The following CAPN5 variants were observed in gnomAD, a reference collection of about 807,000 sequenced individuals.
CAPN5 encodes the protein calpain-5.
Under a neutral mutation model 73.0 loss-of-function variants are expected in CAPN5, and 54 were observed. That is an observed-to-expected ratio of 0.74 (90% CI 0.59 to 0.93). CAPN5 has a LOEUF of 0.93. Ranked by LOEUF, CAPN5 falls within the 40% of genes least tolerant of loss-of-function variation. The pLI is 0.00. For missense variants in CAPN5, 785 were observed against 882.9 expected (o/e 0.89, Z 1.41); for synonymous variants, 335 against 356.9 (o/e 0.94, Z 0.69).
intron 8 of CAPN5, 124 bp from the exon 9 acceptor site, chr11:77,118,906 C>T: frequency 9.3e-7 from 1 of 1,070,864 alleles, no homozygotes; most frequent in Non-Finnish European, 1.4e-6. Context: ...AGCAGAGGGA[C>T]CAAGGCGCAG....
chr11:77,083,931 T>C (rs782539950), intron 1 of CAPN5, among the ~76,000 whole-genome samples: 1 of 152,156 alleles, frequency 6.6e-6, no homozygotes, highest in Non-Finnish European at 1.5e-5. Flanking sequence ...AATTGTGGCC[T>C]TTACCCCAAA....
rs1040463719 is a variant in CAPN5, at chr11:77,125,094, T to C, written c.*1224T>C. 7.9e-5 allele frequency: 12 copies of C among 152,422 alleles called. No homozygotes were observed. The highest frequency in any genetic ancestry group is 2.9e-4 in the African/African-American group (12 of 41,466). The allele number at this position is 152,422 out of a possible 1,614,324, so 9.4% of individuals were successfully genotyped here. Reference sequence around the variant, plus strand: ...GTTTTGCTGGTCCTCTGGAGAACTCTTCGTGAGCACTGGTGCCGTGACCCA... The same window carrying C: ...GTTTTGCTGGTCCTCTGGAGAACTCCTCGTGAGCACTGGTGCCGTGACCCA... On this transcript the variant is annotated 3_prime_UTR_variant, in exon 13 of 13. Coordinates refer to ENST00000648180, the MANE Select transcript of CAPN5 (RefSeq NM_004055.5).
intron 1 of CAPN5, among the ~76,000 whole-genome samples, chr11:77,079,555 T>C (rs1950008337): frequency 1.3e-5 from 2 of 152,220 alleles, no homozygotes; most frequent in African/African-American, 4.8e-5. Context: ...ATTTAGCTTG[T>C]TTCTCATTTT....
At chr11:77,068,327 C>A (rs1397359125) in intron 1 of CAPN5, among the ~76,000 whole-genome samples, 1 of 152,100 alleles carries the variant, frequency 6.6e-6, no homozygotes, top group Non-Finnish European at 1.5e-5. Flanking sequence ...CCCTGAGGAG[C>A]CTCTCTTCTG....
rs1950574982 is a variant in CAPN5 at position 77,126,113 on chromosome 11, G to A, written c.*2243G>A. On this transcript the variant is annotated 3_prime_UTR_variant, in exon 13 of 13. Coordinates refer to ENST00000648180, the MANE Select transcript of CAPN5 (RefSeq NM_004055.5). ...GATCCACCACAGGGTTAGGGGACAG[G>A]AAGCCTGTTCTATTCTCAATAAATC... The A allele has an allele frequency of 6.6e-6, 1 of 152,254 alleles. No homozygotes were observed. Among genetic ancestry groups the A allele is most frequent in the Non-Finnish European group, 1.5e-5 (1 of 68,050 alleles). 9.4% of individuals were successfully genotyped at this position (152,254 alleles called of 1,614,324 possible).
At chr11:77,094,650 C>T (rs1457813544) in intron 3 of CAPN5, among the ~76,000 whole-genome samples, 2 of 152,202 alleles carry the variant, frequency 1.3e-5, no homozygotes, top group Non-Finnish European at 2.9e-5. Context: ...GAGCACTGGA[C>T]ATCTGCATCT....
At chr11:77,078,005 TC>T (rs1555034136) in intron 1 of CAPN5, among the ~76,000 whole-genome samples, 2 of 152,230 alleles carry the variant, frequency 1.3e-5, no homozygotes, top group African/African-American at 4.8e-5. Context: ...TTTTTCCCAT[TC>T]TGCAGGTTGT....
chr11:77,085,148 CCT>C, intron 2 of CAPN5, 97 bp downstream of exon 2: 2 of 1,066,506 alleles, frequency 1.9e-6, no homozygotes, highest in Non-Finnish European at 2.8e-6. Flanking sequence ...AGGAGGCATC[CCT>C]GGCCCCAGGC....
In CAPN5 at chr11:77,125,325, C is replaced by T. The variant is rs1190070508; in HGVS notation, c.*1455C>T. On this transcript the variant is annotated 3_prime_UTR_variant, in exon 13 of 13. Transcript: ENST00000648180. ...CTGATTTTGCCTCCTCACTCTGTGTCTGGCTTTGCTCCTGGGTCTTGGCCC... is the reference window on the plus strand; with the variant it reads ...CTGATTTTGCCTCCTCACTCTGTGTTTGGCTTTGCTCCTGGGTCTTGGCCC... 1 of 152,738 alleles carries T rather than the reference C, an allele frequency of 6.5e-6. No individual in the cohort carries two copies. The highest frequency in any genetic ancestry group is 2.4e-5 in the African/African-American group (1 of 41,472). The allele number at this position is 152,738 out of a possible 1,614,324, so 9.5% of individuals were successfully genotyped here. A position where few individuals can be genotyped will look rare whatever the true frequency, so the allele number is the denominator to read the frequency against.
intron 4 of CAPN5, chr11:77,113,011 T>C (rs1249284851): frequency 1.7e-6 from 1 of 601,914 alleles, no homozygotes; most frequent in Non-Finnish European, 2.9e-6. Context: ...GAGAGGAATG[T>C]TGGTTACTCC....
intron 1 of CAPN5, among the ~76,000 whole-genome samples, chr11:77,070,991 T>G (rs752868382): frequency 6.6e-5 from 10 of 152,168 alleles, no homozygotes; most frequent in Non-Finnish European, 1.5e-4. Flanking sequence ...AAATCCTTAA[T>G]CGCATCTTCA....
intron 12 of CAPN5, among the ~76,000 whole-genome samples, chr11:77,122,915 A>G (rs1950537903): frequency 6.6e-6 from 1 of 152,174 alleles, no homozygotes; most frequent in Non-Finnish European, 1.5e-5. Context: ...GAATTGGATT[A>G]GTTGGTGTGG....
intron 2 of CAPN5, among the ~76,000 whole-genome samples, chr11:77,085,737 C>T (rs1950078760): frequency 1.3e-5 from 2 of 151,748 alleles, no homozygotes; most frequent in South Asian, 2.1e-4. Context: ...CCTTGAACCC[C>T]GATTCCTGGG....
At chr11:77,073,532 A>G (rs1949933678) in intron 1 of CAPN5, among the ~76,000 whole-genome samples, 1 of 152,110 alleles carries the variant, frequency 6.6e-6, no homozygotes, top group Admixed American at 6.5e-5. Context: ...GCAGGCCAGC[A>G]CAGCCCTCAC....
intron 6 of CAPN5, among the ~76,000 whole-genome samples, 163 bp downstream of exon 6, chr11:77,115,751 G>T (rs574839883): frequency 6.6e-6 from 1 of 152,280 alleles, no homozygotes; most frequent in African/African-American, 2.4e-5. Flanking sequence ...GTTGTATGGG[G>T]TGATGGATTG....
intron 1 of CAPN5, among the ~76,000 whole-genome samples, chr11:77,069,788 A>G (rs990232011): frequency 9.9e-5 from 15 of 152,204 alleles, no homozygotes; most frequent in African/African-American, 3.6e-4. Flanking sequence ...AAGTGCCCTC[A>G]GAGAACTCTT....
rs368066786 is a variant in CAPN5 at position 77,102,921 on chromosome 11, C to T, written c.297+9108C>T. 4.3e-5 allele frequency: 69 copies of T among 1,612,700 alleles called. 1 individual carries two copies. Among genetic ancestry groups the T allele is most frequent in the African/African-American group, 4.3e-4 (32 of 74,956 alleles). ...GGGCCTGACCAGGCAGATGCGGCTA[C>T]GCGTGGAGAGCCTGAAGCAGCGCGG... On this transcript the variant is annotated intron_variant, in intron 3 of 12. Coordinates refer to ENST00000648180, the MANE Select transcript of CAPN5 (RefSeq NM_004055.5).
intron 2 of CAPN5, among the ~76,000 whole-genome samples, chr11:77,086,116 C>T (rs1194018434): frequency 2.6e-5 from 4 of 152,212 alleles, no homozygotes; most frequent in Non-Finnish European, 4.4e-5. Flanking sequence ...GGTGGCAGAT[C>T]TGGGGCCAAG....
intron 3 of CAPN5, among the ~76,000 whole-genome samples, chr11:77,095,614 C>T (rs1333911642): frequency 6.6e-6 from 1 of 152,204 alleles, no homozygotes; most frequent in Non-Finnish European, 1.5e-5. Flanking sequence ...GGCCTTGCTC[C>T]CCCAGACCTC....
Sources: allele counts gnomAD v4.1 joint callset (sites outside exome capture counted in the v4.1 genomes callset), GRCh38; gene constraint gnomAD v4.1.1; transcripts MANE v1.5; gene names NCBI Gene and HGNC (gene_info 2026-07-23, HGNC 2026-07-21).